Variants in DAB1 observed in about 807,000 individuals in gnomAD.
DAB1 encodes the protein DAB adaptor protein 1.
In DAB1, 15 loss-of-function variants were observed where a neutral mutation model predicts 64.6. The observed-to-expected ratio is 0.23, with a 90% CI of 0.16 to 0.36. The LOEUF (loss-of-function observed/expected upper bound fraction) is 0.36. DAB1 is among the 10% of genes least tolerant of loss of function. DAB1 has a pLI of 1.00. For synonymous variants in DAB1, 235 were observed against 251.9 expected (o/e 0.93, Z 0.64); for missense variants, 596 against 706.7 (o/e 0.84, Z 1.78).
intron 2 of DAB1, among the ~76,000 whole-genome samples, chr1:57,206,699 TG>T (rs1665566510): frequency 6.6e-6 from 1 of 152,172 alleles, no homozygotes; most frequent in Non-Finnish European, 1.5e-5. Context: ...TTGGTTCTTT[TG>T]CTGGCCAGTG....
intron 6 of DAB1, among the ~76,000 whole-genome samples, chr1:57,820,653 G>A (rs1452786031): frequency 6.6e-6 from 1 of 152,056 alleles, no homozygotes; most frequent in East Asian, 1.9e-4. Flanking sequence ...TAACATTTTT[G>A]TTGCTATAGA....
At chr1:58,430,880 G>T (rs992833708) in intron 3 of DAB1, among the ~76,000 whole-genome samples, 1 of 152,168 alleles carries the variant, frequency 6.6e-6, no homozygotes, top group African/African-American at 2.4e-5. Flanking sequence ...AGAGCAAGCC[G>T]CATCTGGAGA....
intron 1 of DAB1, among the ~76,000 whole-genome samples, chr1:57,879,708 C>T (rs952172481): frequency 6.6e-6 from 1 of 152,092 alleles, no homozygotes; most frequent in Non-Finnish European, 1.5e-5. Context: ...CTTACAAGAG[C>T]CCAGTGACTC....
intron 5 of DAB1, among the ~76,000 whole-genome samples, chr1:58,040,711 T>C (rs1418755691): frequency 6.6e-6 from 1 of 152,236 alleles, no homozygotes; most frequent in Non-Finnish European, 1.5e-5. Context: ...TAATATTCTA[T>C]TTGAATGTAC....
chr1:58,490,795 C>CTTTTT lies in DAB1; in HGVS notation n.257+15260_257+15264dup, dbSNP rs148145860. Among the ~76,000 whole-genome samples the CTTTTT allele has an allele frequency of 4.5e-3, 265 of 59,274 alleles. 29 individuals are homozygous for CTTTTT. Among genetic ancestry groups the CTTTTT allele is most frequent in the East Asian group, 8.6e-3 (12 of 1,390 alleles). 38.9% of individuals were successfully genotyped at this position (59,274 alleles called of 152,430 possible). On this transcript the variant is annotated intron_variant and non_coding_transcript_variant, in intron 3 of 20. Transcript: ENST00000485760. The stretch of plus-strand genomic sequence containing the variant: ...AGAGTGGGGGCCAATAGTCAACATT[C>CTTTTT]TTTTTTTTTTTTTTTTTTTTTTTTT...
chr1:57,801,792 G>A lies in DAB1; in HGVS notation n.551+82207C>T, dbSNP rs569087300. On this transcript the variant is annotated intron_variant and non_coding_transcript_variant, in intron 6 of 20. Transcript: ENST00000485760. ...CCGGCCTTAGTCCCCTGAGTAGCTC[G>A]GACTACAGGCACGTGCCACCACACC... Among the ~76,000 whole-genome samples the A allele has an allele frequency of 1.5e-4, 23 of 152,114 alleles. No individual in the cohort carries two copies. The East Asian group carries it at 1.6e-3, about 10-fold the overall frequency.
intron 6 of DAB1, among the ~76,000 whole-genome samples, chr1:57,736,118 T>C (rs897450554): frequency 2.0e-5 from 3 of 152,216 alleles, no homozygotes; most frequent in African/African-American, 7.2e-5. Context: ...CGGACGGCTA[T>C]ATACTGTCTT....
At chr1:57,996,596 C>T (rs1168704140) in intron 5 of DAB1, among the ~76,000 whole-genome samples, 1 of 152,188 alleles carries the variant, frequency 6.6e-6, no homozygotes, top group Non-Finnish European at 1.5e-5. Flanking sequence ...TGTCAAATCA[C>T]TTTGACAGCA....
intron 7 of DAB1, among the ~76,000 whole-genome samples, chr1:57,451,728 G>A (rs898826005): frequency 7.9e-5 from 12 of 152,162 alleles, no homozygotes; most frequent in African/African-American, 2.7e-4. Context: ...GGCTTTCATG[G>A]AATCAGCAGG....
intron 2 of DAB1, among the ~76,000 whole-genome samples, chr1:57,177,978 T>G (rs1267436376): frequency 6.6e-6 from 1 of 152,160 alleles, no homozygotes; most frequent in Non-Finnish European, 1.5e-5. Flanking sequence ...TATGGCATGT[T>G]TATAAAAACC....
chr1:57,319,254 C>T (rs976643728), intron 1 of DAB1, among the ~76,000 whole-genome samples: 2 of 152,118 alleles, frequency 1.3e-5, no homozygotes, highest in African/African-American at 4.8e-5. Context: ...GCACCTTCTT[C>T]CTGGCAGAGC....
chr1:58,347,189 C>A (rs1347663144), intron 3 of DAB1, among the ~76,000 whole-genome samples: 1 of 152,174 alleles, frequency 6.6e-6, no homozygotes, highest in African/African-American at 2.4e-5. Flanking sequence ...CTCACCACAA[C>A]CTCCGCCTCC....
intron 1 of DAB1, among the ~76,000 whole-genome samples, chr1:57,342,986 A>C (rs1558202622): frequency 6.6e-6 from 1 of 151,888 alleles, no homozygotes; most frequent in Non-Finnish European, 1.5e-5. Context: ...TCAGAAGGGG[A>C]CCCGAGCGGG....
chr1:57,717,916 T>TAA (rs1004174955), intron 6 of DAB1, among the ~76,000 whole-genome samples: 3 of 145,156 alleles, frequency 2.1e-5, no homozygotes, highest in African/African-American at 8.0e-5. Flanking sequence ...CGTAGAATCT[T>TAA]AAAAAGTTAA....
chr1:58,512,891 G>A (rs1345966052), intron 2 of DAB1, among the ~76,000 whole-genome samples: 1 of 150,360 alleles, frequency 6.7e-6, no homozygotes, highest in Non-Finnish European at 1.5e-5. Flanking sequence ...TAGATCTCAT[G>A]TTAAATGTAC....
At chr1:57,892,614 C>T (rs1644333434) in intron 5 of DAB1, among the ~76,000 whole-genome samples, 1 of 152,134 alleles carries the variant, frequency 6.6e-6, no homozygotes, top group African/African-American at 2.4e-5. Flanking sequence ...TCTTTTTTAC[C>T]TTATTCTACT....
At chr1:58,496,158 A>AT (rs965446981) in intron 3 of DAB1, among the ~76,000 whole-genome samples, 2 of 150,358 alleles carry the variant, frequency 1.3e-5, no homozygotes, top group African/African-American at 2.4e-5. Context: ...ATATTCTTTC[A>AT]TTTTTTTAGA....
At chr1:57,536,786 T>G (rs919628204) in intron 7 of DAB1, among the ~76,000 whole-genome samples, 8 of 149,278 alleles carry the variant, frequency 5.4e-5, no homozygotes, top group Non-Finnish European at 1.2e-4. Context: ...GCAGCCCCAC[T>G]CCCACCCCCG....
chr1:57,601,096 A>C (rs932756441), intron 7 of DAB1, among the ~76,000 whole-genome samples: 3 of 152,104 alleles, frequency 2.0e-5, no homozygotes, highest in Admixed American at 2.0e-4. Flanking sequence ...ATTATAAGAT[A>C]AAAAACACTG....
Sources: gnomAD v4.1 joint callset for allele counts (sites outside exome capture counted in the v4.1 genomes callset) on GRCh38, gnomAD v4.1.1 for gene constraint, MANE v1.5 for transcripts, NCBI Gene and HGNC (gene_info 2026-07-23, HGNC 2026-07-21) for gene names.